The following PIF1 variants were observed in gnomAD, a reference collection of about 807,000 sequenced individuals.
The protein encoded by PIF1 is ATP-dependent DNA helicase PIF1.
PIF1 carries 67 observed loss-of-function variants against 62.3 expected under a neutral mutation model. The observed-to-expected ratio is 1.08, with a 90% CI of 0.88 to 1.32. The LOEUF (loss-of-function observed/expected upper bound fraction) is 1.32, where lower values mean the gene tolerates loss of function less well. Ranked by LOEUF, PIF1 falls within the 40% of genes most tolerant of loss-of-function variation. The probability of loss-of-function intolerance (pLI) is 0.00; values close to 1 mark genes in which losing one functional copy is unlikely to be tolerated. For missense variants in PIF1, 886 were observed against 866.1 expected, an observed-to-expected ratio of 1.02 and a Z score of -0.29; for synonymous variants, 364 against 379.5, an observed-to-expected ratio of 0.96 and a Z score of 0.47.
rs1368289046 is a variant in PIF1 at position 64,821,204 on chromosome 15, A to T, written c.1049T>A (p.Val350Glu). Residue 350 changes from valine (V) to glutamate (E), a missense_variant, in exon 6 of 13, where the codon GTG becomes GAG. Transcript: ENST00000559239. ...ICGDFLQLPP[V>E]TKGSQPPRFC... ...CCGTGGGGGCTGGGAGCCCTTGGTCACAGGTGGCAGCTGCAGAAAGTCCCC... is the reference window on the plus strand; with the variant it reads ...CCGTGGGGGCTGGGAGCCCTTGGTCTCAGGTGGCAGCTGCAGAAAGTCCCC... 6.2e-7 allele frequency: 1 copy of T among 1,614,226 alleles called. No individual in the cohort carries two copies. Among genetic ancestry groups the T allele is most frequent in the South Asian group, 1.1e-5 (1 of 91,086 alleles).
At position 64,816,632 on chromosome 15, in the gene PIF1, C is replaced by G; in HGVS notation, c.1808G>C (p.Cys603Ser). The change falls in exon 12 of 13, where the codon TGT (cysteine) becomes TCT (serine). Residue 603 changes from cysteine (C) to serine (S), a missense_variant. Cys to Ser is a moderately radical substitution (Grantham distance 112). Transcript: ENST00000559239. The stretch of plus-strand genomic sequence containing the variant: ...ATAGAAGTGCAGCACACGGGGGTCA[C>G]AGCGAACCGCCATGGGGTCAAAGTC... ...VLDFDPMAVR[C>S]DPRVLHFYAT... 6.2e-7 allele frequency: 1 copy of G among 1,614,044 alleles called. No individual in the cohort carries two copies. Among genetic ancestry groups the G allele is most frequent in the Non-Finnish European group, 8.5e-7 (1 of 1,180,004 alleles).
intron 10 of PIF1, 37 bp from the exon 11 acceptor site, chr15:64,818,128 C>T: frequency 6.2e-7 from 1 of 1,612,486 alleles, no homozygotes; most frequent in Admixed American, 1.7e-5. Context: ...TTTAGCTCTG[C>T]TTCAGGGCTC....
chr15:64,823,859 C>A lies in PIF1; in HGVS notation c.477G>T (p.Arg159=). ...TISPVQPEER[R]LRAATRVPDT... is the part of the protein sequence containing the mutation. ...CCGGAACCCGGGTGGCCGCCCTGAG[C>A]CGCCGCTCCTCGGGCTGCACAGGGC... The change falls in exon 2 of 13, where the codon CGG becomes CGT. Residue 159 remains arginine, a synonymous_variant. Coordinates refer to ENST00000559239, the MANE Select transcript of PIF1 (RefSeq NM_001286496.2). 1 of 1,384,752 alleles carries A rather than the reference C, an allele frequency of 7.2e-7. No homozygotes were observed. The highest frequency in any genetic ancestry group is 1.9e-5 in the South Asian group (1 of 53,034). The allele number at this position is 1,384,752 out of a possible 1,614,324, so 85.8% of individuals were successfully genotyped here.
chr15:64,821,572 T>A (rs1418371605), intron 4 of PIF1, 52 bp from the exon 5 acceptor site: 4 of 1,148,392 alleles, frequency 3.5e-6, no homozygotes, highest in South Asian at 1.9e-5. Flanking sequence ...TCTCTTTTTT[T>A]TTTTTTTTTT....
rs760795764 is a variant in PIF1, at chr15:64,817,956, T to G, written c.1664A>C (p.His555Pro). Residue 555 changes from histidine to proline, a missense_variant, in exon 11 of 13, where the codon CAC becomes CCC. Transcript: ENST00000559239. Reference sequence around the variant, plus strand: ...CACACCGGTGCTCACTTGGCTCTTGTGGATGGACATCGCCCAGGCCAGCTG... The same window carrying G: ...CACACCGGTGCTCACTTGGCTCTTGGGGATGGACATCGCCCAGGCCAGCTG... Reference protein sequence around the residue: ...PLQLAWAMSIHKSQGMTLDCV... With the variant: ...PLQLAWAMSIPKSQGMTLDCV... The G allele has an allele frequency of 1.2e-6, 2 of 1,612,044 alleles. No homozygotes were observed. The highest frequency in any genetic ancestry group is 1.7e-4 in the Middle Eastern group (1 of 6,040).
Position 64,822,376 on chromosome 15 carries a change from T to C in PIF1, c.707A>G (p.Tyr236Cys). Residue 236 changes from tyrosine (Y) to cysteine (C), a missense_variant, in exon 4 of 13, where the codon TAT (tyrosine) becomes TGT (cysteine). By Grantham distance (194) the Tyr-to-Cys change is radical. Coordinates refer to ENST00000559239, the MANE Select transcript of PIF1 (RefSeq NM_001286496.2). ...FTGSAGTGKSYLLKRILGSLP... is the reference protein window; with the variant it reads ...FTGSAGTGKSCLLKRILGSLP... ...TGAGCCCAGGATTCGCTTTAGCAGA[T>C]ATGACTTCCCTGTTCCTGGACAGGG... 6.2e-7 allele frequency: 1 copy of C among 1,614,086 alleles called. No homozygotes were observed. Among genetic ancestry groups the C allele is most frequent in the South Asian group, 1.1e-5 (1 of 91,090 alleles).
chr15:64,821,479 G>A lies in PIF1; in HGVS notation c.859C>T (p.Leu287=), dbSNP rs769496818. Residue 287 remains leucine, a synonymous_variant, in exon 5 of 13, where the codon CTG becomes TTG. Coordinates refer to ENST00000559239, the MANE Select transcript of PIF1 (RefSeq NM_001286496.2). ...GQAPLAQCVA[L]AQRPGVRQGW... ...TGCCGCACGCCTGGCCTTTGGGCCA[G>A]GGCCACACACTGGGCTAGAGGAGCC... The A allele has an allele frequency of 2.0e-5, 33 of 1,613,838 alleles. No homozygotes were observed. The East Asian group carries it at 6.7e-4, about 33-fold the overall frequency.
In PIF1 at chr15:64,821,190, G is replaced by A. The variant is rs749012417; in HGVS notation, c.1063C>T (p.Gln355Ter). 5.0e-6 allele frequency: 8 copies of A among 1,614,060 alleles called. No homozygotes were observed. Among genetic ancestry groups the A allele is most frequent in the Admixed American group, 3.3e-5 (2 of 60,010 alleles). The change falls in exon 6 of 13, where the codon CAG becomes TAG. Residue 355 changes from glutamine to a stop codon, truncating the protein, a stop_gained. Transcript: ENST00000559239. LOFTEE classifies it high-confidence loss of function. ...LQLPPVTKGS[Q>*]PPRFCFQSKS... is the part of the protein sequence containing the mutation. ...ACCTGGAAGCAGAACCGTGGGGGCT[G>A]GGAGCCCTTGGTCACAGGTGGCAGC...
intron 7 of PIF1, among the ~76,000 whole-genome samples, chr15:64,820,258 C>T (rs575691386): frequency 1.3e-5 from 2 of 152,352 alleles, no homozygotes; most frequent in Non-Finnish European, 1.5e-5. Flanking sequence ...GCCACCCTCG[C>T]ACTCCATAAT....
chr15:64,816,794 C>A, intron 11 of PIF1, 29 bp from the exon 12 acceptor site: 1 of 1,554,498 alleles, frequency 6.4e-7, no homozygotes, highest in South Asian at 1.2e-5. Context: ...GAGATGGAGT[C>A]AGCTCAGCCT....
rs937050623 is a variant in PIF1, at chr15:64,817,978, G to T, written c.1642C>A (p.Leu548Met). ...LLSRQQLPLQLAWAMSIHKSQ... is the reference protein window; with the variant it reads ...LLSRQQLPLQMAWAMSIHKSQ... ...TTGTGGATGGACATCGCCCAGGCCA[G>T]CTGGAGGGGCAGCTGCTGCCGACTG... Residue 548 changes from leucine to methionine, a missense_variant, in exon 11 of 13, where the codon CTG (leucine) becomes ATG (methionine). Physicochemically the swap from Leu to Met is conservative, Grantham distance 15. Transcript: ENST00000559239. 1.2e-6 allele frequency: 2 copies of T among 1,613,242 alleles called. No individual in the cohort carries two copies. The highest frequency in any genetic ancestry group is 2.7e-5 in the African/African-American group (2 of 74,906).
chr15:64,816,453 T>C (rs6494498), intron 12 of PIF1, 96 bp from the exon 13 acceptor site: 676,729 of 1,596,556 alleles, frequency 0.42, 149,867 homozygotes, highest in Non-Finnish European at 0.46. Flanking sequence ...CCCTCACCCC[T>C]AAAGGAGCCA....
Position 64,817,977 on chromosome 15 carries a change from A to G in PIF1, c.1643T>C (p.Leu548Pro). The G allele has an allele frequency of 6.2e-7, 1 of 1,613,478 alleles. No homozygotes were observed. ...CTTGTGGATGGACATCGCCCAGGCC[A>G]GCTGGAGGGGCAGCTGCTGCCGACT... ...LLSRQQLPLQ[L>P]AWAMSIHKSQ... The change falls in exon 11 of 13, where the codon CTG (leucine) becomes CCG (proline). Residue 548 changes from leucine (L) to proline (P), a missense_variant. Leu to Pro is a moderately conservative substitution (Grantham distance 98). Coordinates refer to ENST00000559239, the MANE Select transcript of PIF1 (RefSeq NM_001286496.2).
chr15:64,821,132 C>A lies in PIF1; in HGVS notation c.1086+35G>T, dbSNP rs930470398. The A allele has an allele frequency of 4.3e-6, 7 of 1,613,240 alleles. No individual in the cohort carries two copies. In the East Asian group the frequency reaches 8.9e-5, roughly 21 times the overall value. On this transcript the variant is annotated intron_variant, in intron 6 of 12. Transcript: ENST00000559239. The stretch of plus-strand genomic sequence containing the variant: ...GGGTGGGTCAAGGAGCAGAGCAGAC[C>A]CCCAAGGAGAGCAGAGCTAGGAGGT...
Position 64,817,945 on chromosome 15 carries a change from CT to C in PIF1, c.1674del (p.Gly559AlafsTer2). 1.2e-6 allele frequency: 2 copies of C among 1,610,488 alleles called. No individual in the cohort carries two copies. Among genetic ancestry groups the C allele is most frequent in the Non-Finnish European group, 1.7e-6 (2 of 1,178,492 alleles). On this transcript the variant is annotated frameshift_variant and splice_region_variant, in exon 11 of 13. Coordinates refer to ENST00000559239, the MANE Select transcript of PIF1 (RefSeq NM_001286496.2). LOFTEE classifies it high-confidence loss of function. ...TCCCTGCCCCCCACACCGGTGCTCACTTGGCTCTTGTGGATGGACATCGCCC... is the reference window on the plus strand; with the variant it reads ...TCCCTGCCCCCCACACCGGTGCTCACTGGCTCTTGTGGATGGACATCGCCC... ...LAWAMSIHKS[Q>X]GMTLDCVEIS...
At chr15:64,826,500 T>C (rs923737449), upstream of PIF1, among the ~76,000 whole-genome samples, 9 of 150,414 alleles carry the variant, frequency 6.0e-5, no homozygotes, top group African/African-American at 2.2e-4. Context: ...GCACAATCTC[T>C]GCTCACTGCA....
chr15:64,820,961 TC>T lies in PIF1; in HGVS notation c.1193+20del. On this transcript the variant is annotated intron_variant, in intron 7 of 12. Transcript: ENST00000559239. ...CCTGGATCCTCATCCCATAGCCCCT[TC>T]CCCAACCAGCAGAGCTCACCTGCCT... 6.2e-7 allele frequency: 1 copy of T among 1,606,632 alleles called. No individual in the cohort carries two copies. Among genetic ancestry groups the T allele is most frequent in the Non-Finnish European group, 8.5e-7 (1 of 1,174,574 alleles).
intron 8 of PIF1, 77 bp from the exon 9 acceptor site, chr15:64,819,300 A>T: frequency 1.0e-6 from 1 of 958,918 alleles, no homozygotes; most frequent in Non-Finnish European, 1.6e-6. Flanking sequence ...ACTTTTTTTA[A>T]ATTTTAATTT....
At chr15:64,822,090 G>T (rs2084298227) in intron 4 of PIF1, 176 bp downstream of exon 4, 6 of 784,202 alleles carry the variant, frequency 7.7e-6, no homozygotes, top group African/African-American at 1.8e-5. Context: ...GGCCAGGCTG[G>T]TCTCAAACTC....
Sources: gnomAD v4.1 joint callset for allele counts (sites outside exome capture counted in the v4.1 genomes callset) on GRCh38, gnomAD v4.1.1 for gene constraint, MANE v1.5 for transcripts, NCBI Gene and HGNC (gene_info 2026-07-23, HGNC 2026-07-21) for gene names.